Variants in KCNMB2 observed in about 807,000 individuals in gnomAD.
The protein encoded by KCNMB2 is calcium-activated potassium channel subunit beta-2.
A neutral mutation model predicts 24.5 loss-of-function variants in KCNMB2; 9 were observed. That is an observed-to-expected ratio of 0.37 (90% CI 0.22 to 0.64). KCNMB2 has a LOEUF of 0.64. Among genes scored for constraint, KCNMB2 ranks in the 30% least tolerant of loss-of-function variants. The pLI is 0.63. For synonymous variants in KCNMB2, 109 were observed against 104.4 expected, an observed-to-expected ratio of 1.04 and a Z score of -0.27; for missense variants, 226 against 284.3, an observed-to-expected ratio of 0.79 and a Z score of 1.47.
chr3:178,806,238 T>G (rs540335207), intron 1 of KCNMB2, among the ~76,000 whole-genome samples: 1 of 152,306 alleles, frequency 6.6e-6, no homozygotes, highest in East Asian at 1.9e-4. Context: ...AGCAAAAATC[T>G]CAACCTTCTG....
intron 1 of KCNMB2, among the ~76,000 whole-genome samples, chr3:178,578,994 G>A (rs1210193761): frequency 6.6e-6 from 1 of 152,092 alleles, no homozygotes; most frequent in Non-Finnish European, 1.5e-5. Context: ...GGATATTCAG[G>A]ACTTGACCTC....
At chr3:178,538,138 A>G (rs931732300) in intron 1 of KCNMB2, among the ~76,000 whole-genome samples, 17 of 152,206 alleles carry the variant, frequency 1.1e-4, no homozygotes, top group African/African-American at 3.9e-4. Flanking sequence ...TCATTGCCCC[A>G]TAGTAGATGG....
intron 1 of KCNMB2, among the ~76,000 whole-genome samples, chr3:178,733,975 C>T (rs920190136): frequency 6.6e-6 from 1 of 151,962 alleles, no homozygotes; most frequent in Non-Finnish European, 1.5e-5. Context: ...AAAAGCAGAG[C>T]CAATAATAGG....
intron 1 of KCNMB2, among the ~76,000 whole-genome samples, chr3:178,585,202 G>C (rs1333371060): frequency 6.6e-6 from 1 of 152,188 alleles, no homozygotes; most frequent in East Asian, 1.9e-4. Context: ...ATGTTTTTCA[G>C]ACTTTGGCAG....
intron 1 of KCNMB2, among the ~76,000 whole-genome samples, chr3:178,538,836 C>A (rs574181300): frequency 1.3e-5 from 2 of 152,154 alleles, no homozygotes; most frequent in Admixed American, 6.6e-5. Context: ...TCAAAACAAT[C>A]TACTTTATAT....
At chr3:178,654,464 G>A in intron 1 of KCNMB2, among the ~76,000 whole-genome samples, 1 of 152,006 alleles carries the variant, frequency 6.6e-6, no homozygotes, top group East Asian at 1.9e-4. Flanking sequence ...CAACTCAAAG[G>A]ATAAATAGAG....
At chr3:178,833,983 G>A (rs1209367239) in intron 4 of KCNMB2, among the ~76,000 whole-genome samples, 1 of 152,084 alleles carries the variant, frequency 6.6e-6, no homozygotes, top group Non-Finnish European at 1.5e-5. Flanking sequence ...CACTGTGGTT[G>A]TTGCTTGTGA....
intron 1 of KCNMB2, among the ~76,000 whole-genome samples, chr3:178,635,408 T>TACACACACACACAG (rs1719484405): frequency 6.9e-6 from 1 of 144,878 alleles, no homozygotes; most frequent in African/African-American, 2.6e-5. Context: ...TGCTTATGCA[T>TACACACACACACAG]ACACACACAC....
At chr3:178,746,579 C>A (rs1007728119) in intron 1 of KCNMB2, among the ~76,000 whole-genome samples, 14 of 152,166 alleles carry the variant, frequency 9.2e-5, no homozygotes, top group Non-Finnish European at 2.1e-4. Context: ...ATGAGATTTT[C>A]TTTTCTATCA....
chr3:178,745,696 C>A (rs1217582218), intron 1 of KCNMB2, among the ~76,000 whole-genome samples: 2 of 152,218 alleles, frequency 1.3e-5, no homozygotes, highest in Admixed American at 6.5e-5. Flanking sequence ...TTCCTAGATA[C>A]AATGGGGGTA....
At chr3:178,597,722 A>G (rs1227502428) in intron 1 of KCNMB2, among the ~76,000 whole-genome samples, 2 of 152,062 alleles carry the variant, frequency 1.3e-5, no homozygotes, top group African/African-American at 4.8e-5. Context: ...ACACAAATAT[A>G]CTCAAATGAT....
chr3:178,819,131 C>T (rs1222575469), intron 2 of KCNMB2, among the ~76,000 whole-genome samples: 1 of 152,086 alleles, frequency 6.6e-6, no homozygotes, highest in East Asian at 1.9e-4. Context: ...ATTTATTTGG[C>T]CCTTTTCTGT....
chr3:178,683,427 T>C lies in KCNMB2; in HGVS notation c.-67-123916T>C, dbSNP rs1242250251. On this transcript the variant is annotated intron_variant, in intron 1 of 4. Coordinates refer to ENST00000452583, the MANE Select transcript of KCNMB2 (RefSeq NM_181361.3). ...ATTCATATTCCAAACCTCAGCATCA[T>C]GCAATATATCCAGATAACTAATCTG... Among the ~76,000 whole-genome samples, 8 of 152,180 alleles carry C rather than the reference T, an allele frequency of 5.3e-5. No individual in the cohort carries two copies. The East Asian group carries it at 1.3e-3, about 26-fold the overall frequency.
chr3:178,734,369 T>C (rs1164502372), intron 1 of KCNMB2, among the ~76,000 whole-genome samples: 1 of 152,224 alleles, frequency 6.6e-6, no homozygotes, highest in Non-Finnish European at 1.5e-5. Flanking sequence ...TGCTCAATTG[T>C]ATCTTGTTTA....
At chr3:178,766,686 T>G (rs1255092816) in intron 1 of KCNMB2, among the ~76,000 whole-genome samples, 1 of 152,232 alleles carries the variant, frequency 6.6e-6, no homozygotes, top group Non-Finnish European at 1.5e-5. Context: ...CTTTTCACAA[T>G]TTATTAAATA....
At chr3:178,553,849 A>G (rs1716038637) in intron 1 of KCNMB2, among the ~76,000 whole-genome samples, 1 of 152,144 alleles carries the variant, frequency 6.6e-6, no homozygotes, top group Non-Finnish European at 1.5e-5. Flanking sequence ...CAGAGATTCT[A>G]TAGTACTGGA....
intron 1 of KCNMB2, among the ~76,000 whole-genome samples, chr3:178,601,456 T>A (rs2108508007): frequency 6.6e-6 from 1 of 152,034 alleles, no homozygotes; most frequent in South Asian, 2.1e-4. Flanking sequence ...CCGTGAGGGG[T>A]TTTTCAGTTG....
rs1195465181 is a variant in KCNMB2, at chr3:178,842,702, TG to T, written c.475del (p.Val159Ter). The T allele has an allele frequency of 5.6e-6, 9 of 1,613,058 alleles. No individual in the cohort carries two copies. The highest frequency in any genetic ancestry group is 6.8e-6 in the Non-Finnish European group (8 of 1,179,006). On this transcript the variant is annotated frameshift_variant, in exon 5 of 5. Transcript: ENST00000452583. LOFTEE classifies it high-confidence loss of function. ...AAAAATTTTGAAGAATCCATGTCCC[TG>T]GTGAATGTTGTCATGGAAAACTTCA... is the stretch of plus-strand genomic sequence containing the variant. ...CGKNFEESMS[L>X]VNVVMENFRK... is the part of the protein sequence containing the mutation.
intron 1 of KCNMB2, among the ~76,000 whole-genome samples, chr3:178,742,606 T>G (rs1365174372): frequency 2.6e-5 from 4 of 152,182 alleles, no homozygotes; most frequent in Non-Finnish European, 5.9e-5. Context: ...ACTGGTATAA[T>G]TAACACCTCA....
Sources: gnomAD v4.1 joint callset for allele counts (sites outside exome capture counted in the v4.1 genomes callset) on GRCh38, gnomAD v4.1.1 for gene constraint, MANE v1.5 for transcripts, NCBI Gene and HGNC (gene_info 2026-07-23, HGNC 2026-07-21) for gene names.